Variants in EXD3 observed in about 807,000 individuals in gnomAD.
EXD3 encodes the protein exonuclease mut-7 homolog.
In EXD3, 92 loss-of-function variants were observed where a neutral mutation model predicts 98.0. The observed-to-expected ratio is 0.94, with a 90% confidence interval of 0.79 to 1.12. The LOEUF (loss-of-function observed/expected upper bound fraction) is 1.12. EXD3 is among the 50% of genes most tolerant of loss of function. EXD3 has a pLI of 0.00. For synonymous variants in EXD3, 569 were observed against 526.0 expected (o/e 1.08, Z -1.12); for missense variants, 1,222 against 1,191.6 (o/e 1.03, Z -0.38).
chr9:137,350,113 C>T (rs1475214720), intron 14 of EXD3, among the ~76,000 whole-genome samples: 1 of 27,784 alleles, frequency 3.6e-5, no homozygotes, highest in Non-Finnish European at 6.5e-5. Flanking sequence ...GTGGGGATCA[C>T]GGGGAGGGTT....
At chr9:137,378,539 C>A (rs28558074) in intron 3 of EXD3, among the ~76,000 whole-genome samples, 3,138 of 152,176 alleles carry the variant, frequency 0.021, 101 homozygotes, top group African/African-American at 0.07. Flanking sequence ...CAGGGGCTCA[C>A]GCAGATGTTT....
Position 137,324,150 on chromosome 9 carries a change from G to T in EXD3, c.1999-7C>A. ...TCCCCTCCTGCCTGGCAACCTGTGT[G>T]GGAGGTGCGACCAGCACATAAAGGG... On this transcript the variant is annotated splice_region_variant and splice_polypyrimidine_tract_variant and intron_variant, in intron 17 of 21. Transcript: ENST00000340951. This position sits in a 1 kb window ranked among gnomAD's most constrained non-coding sequence, Gnocchi z 4.1. The T allele has an allele frequency of 6.4e-7, 1 of 1,572,468 alleles. No individual in the cohort carries two copies.
At chr9:137,325,496 A>G (rs1588251737) in intron 17 of EXD3, among the ~76,000 whole-genome samples, 1 of 151,898 alleles carries the variant, frequency 6.6e-6, no homozygotes, top group Non-Finnish European at 1.5e-5. Context: ...GCAGTGGCAC[A>G]ATCTCGGCTC....
chr9:137,389,476 C>T (rs1588407094), intron 2 of EXD3, among the ~76,000 whole-genome samples: 2 of 152,322 alleles, frequency 1.3e-5, no homozygotes, highest in Admixed American at 6.5e-5. Flanking sequence ...CTGACCCAGC[C>T]TAAGCCCAAG....
rs905915000 is a variant in EXD3 at position 137,393,352 on chromosome 9, C to T, written c.55+1951G>A. The T allele has an allele frequency of 7.5e-6, 5 of 667,358 alleles. No homozygotes were observed. The highest frequency in any genetic ancestry group is 2.7e-5 in the East Asian group (1 of 36,696). 41.3% of individuals were successfully genotyped at this position (667,358 alleles called of 1,614,324 possible). On this transcript the variant is annotated intron_variant, in intron 2 of 21. Coordinates refer to ENST00000340951, the MANE Select transcript of EXD3 (RefSeq NM_017820.5). The surrounding 1 kb of genome is among the most constrained non-coding windows in gnomAD (Gnocchi z 4.6). The stretch of plus-strand genomic sequence containing the variant: ...GCCTCATCCCACACAGGTGCAGGCC[C>T]GGGGCCCGCAGATGGCCTCAGAGGA...
chr9:137,379,711 C>A (rs948351774), intron 3 of EXD3, among the ~76,000 whole-genome samples: 3 of 152,002 alleles, frequency 2.0e-5, no homozygotes, highest in Non-Finnish European at 4.4e-5. Flanking sequence ...ATAAAGCATT[C>A]GATGAAGCCG....
At chr9:137,336,968 G>C (rs1833385451) in intron 17 of EXD3, among the ~76,000 whole-genome samples, 1 of 152,030 alleles carries the variant, frequency 6.6e-6, no homozygotes, top group South Asian at 2.1e-4. Flanking sequence ...AAGACTGTCA[G>C]ACTAGATTTT....
chr9:137,421,191 T>C (rs1207280893), intron 1 of EXD3, among the ~76,000 whole-genome samples: 1 of 152,194 alleles, frequency 6.6e-6, no homozygotes, highest in Non-Finnish European at 1.5e-5. Context: ...GTGTAGGGTC[T>C]GTCTCCTTCA....
chr9:137,331,984 GACA>G (rs1833088275), intron 17 of EXD3, among the ~76,000 whole-genome samples: 1 of 151,776 alleles, frequency 6.6e-6, no homozygotes, highest in Non-Finnish European at 1.5e-5. Flanking sequence ...TCTGCGCAAC[GACA>G]ACACACACAC....
In EXD3 at chr9:137,351,349, C is replaced by T; in HGVS notation, c.1353G>A (p.Gln451=). 1 of 1,611,952 alleles carries T rather than the reference C, an allele frequency of 6.2e-7. No individual in the cohort carries two copies. The highest frequency in any genetic ancestry group is 1.1e-5 in the South Asian group (1 of 90,978). ...TGGTGATAGAGGGGTCCGAGAGGAG[C>T]TGGGCCACCAGCCGGGAAAAGGCCT... ...GAQAFSRLVA[Q]LLSDPSITKL... Residue 451 remains glutamine, a synonymous_variant, in exon 13 of 22, where the codon CAG becomes CAA. Coordinates refer to ENST00000340951, the MANE Select transcript of EXD3 (RefSeq NM_017820.5).
At position 137,373,523 on chromosome 9, in the gene EXD3, C is replaced by A; in HGVS notation, c.197G>T (p.Cys66Phe). 6.2e-7 allele frequency: 1 copy of A among 1,604,384 alleles called. No individual in the cohort carries two copies. Among genetic ancestry groups the A allele is most frequent in the African/African-American group, 1.3e-5 (1 of 74,876 alleles). The change falls in exon 4 of 22, where the codon TGC becomes TTC. Residue 66 changes from cysteine to phenylalanine, a missense_variant. By Grantham distance (205) the Cys-to-Phe change is radical. Coordinates refer to ENST00000340951, the MANE Select transcript of EXD3 (RefSeq NM_017820.5). ...GGGGCCCTCTCCCCGCTGGCCCCGGCAGCTCTCCAGCATGTCCAGAAGCCC... is the reference window on the plus strand; with the variant it reads ...GGGGCCCTCTCCCCGCTGGCCCCGGAAGCTCTCCAGCATGTCCAGAAGCCC... ...LAGLLDMLESCRGQRGEGPSL... is the reference protein window; with the variant it reads ...LAGLLDMLESFRGQRGEGPSL...
intron 2 of EXD3, among the ~76,000 whole-genome samples, chr9:137,391,406 G>A (rs964576843): frequency 2.0e-4 from 30 of 152,344 alleles, no homozygotes; most frequent in East Asian, 1.3e-3. Flanking sequence ...AAGCTGTAGG[G>A]CATGGGTCTC....
rs1205922453 is a variant in EXD3 at position 137,349,135 on chromosome 9, G to A, written c.1805C>T (p.Ala602Val). 7 of 1,599,010 alleles carry A rather than the reference G, an allele frequency of 4.4e-6. No homozygotes were observed. The highest frequency in any genetic ancestry group is 4.2e-6 in the Non-Finnish European group (5 of 1,178,600). ...CTGCCTGGGTGCGGCCGGTGCTGAC[G>A]CTTTCTGCAGGCCGGGTGGCTTCCG... ...GARKPPGLQK[A>V]SAPAAPRQVP... The change falls in exon 16 of 22, where the codon GCG becomes GTG. Residue 602 changes from alanine to valine, a missense_variant. Coordinates refer to ENST00000340951, the MANE Select transcript of EXD3 (RefSeq NM_017820.5). This position sits in a 1 kb window ranked among gnomAD's most constrained non-coding sequence, Gnocchi z 7.4.
Position 137,323,866 on chromosome 9 carries a change from C to T in EXD3, c.2053-10G>A. 1 of 1,605,468 alleles carries T rather than the reference C, an allele frequency of 6.2e-7. No homozygotes were observed. Among genetic ancestry groups the T allele is most frequent in the Non-Finnish European group, 8.5e-7 (1 of 1,177,270 alleles). The stretch of plus-strand genomic sequence containing the variant: ...CGACCTGGGCCCGGAGCTGCAAAGA[C>T]ACGGCTCGGCTACTGAGGGGCAGTG... On this transcript the variant is annotated splice_polypyrimidine_tract_variant and intron_variant, in intron 18 of 21. Transcript: ENST00000340951.
In EXD3 at chr9:137,323,816, T is replaced by C. The variant is rs753626480; in HGVS notation, c.2093A>G (p.Asp698Gly). 1.9e-6 allele frequency: 3 copies of C among 1,612,110 alleles called. 1 individual carries two copies. Residue 698 changes from aspartate (D) to glycine (G), a missense_variant, in exon 19 of 22, where the codon GAC (aspartate) becomes GGC (glycine). Coordinates refer to ENST00000340951, the MANE Select transcript of EXD3 (RefSeq NM_017820.5). Reference protein sequence around the residue: ...QVGAGRCLSVDCSLKAQQQAK... With the variant: ...QVGAGRCLSVGCSLKAQQQAK... ...CTGCTGCTGGGCCTTCAGGGAGCAG[T>C]CGACCGAGAGGCAGCGCCCAGCCCC...
At chr9:137,309,772 G>C (rs528956647) in intron 19 of EXD3, 72 bp from the exon 20 acceptor site, 1 of 1,128,368 alleles carries the variant, frequency 8.9e-7, no homozygotes, top group South Asian at 1.3e-5. Flanking sequence ...CCCTCTGCTC[G>C]CTCCTCGAAG....
chr9:137,315,272 G>A (rs772210933), intron 19 of EXD3, among the ~76,000 whole-genome samples: 7 of 152,238 alleles, frequency 4.6e-5, no homozygotes, highest in South Asian at 2.1e-4. Flanking sequence ...CCGGGCTTTC[G>A]GGCCTGGGCC....
At chr9:137,351,177 G>T in intron 13 of EXD3, 30 bp from the exon 14 acceptor site, 1 of 1,549,592 alleles carries the variant, frequency 6.5e-7, no homozygotes, top group Non-Finnish European at 8.7e-7. Flanking sequence ...TGGGAGGGGC[G>T]CCTGCAGGCA....
intron 17 of EXD3, chr9:137,345,858 C>A (rs7022335): frequency 0.35 from 52,407 of 151,468 alleles, 12,807 homozygotes; most frequent in African/African-American, 0.69. Flanking sequence ...CATCCTAGAC[C>A]GACATAAACA....
Sources: gnomAD v4.1 joint callset for allele counts (sites outside exome capture counted in the v4.1 genomes callset) on GRCh38, gnomAD v4.1.1 for gene constraint, Gnocchi (gnomAD v3.1) non-coding constraint, MANE v1.5 for transcripts, NCBI Gene and HGNC (gene_info 2026-07-23, HGNC 2026-07-21) for gene names.